Variants in SNTG2 observed in about 807,000 individuals in gnomAD.
SNTG2 encodes gamma-2-syntrophin.
In SNTG2, 74 loss-of-function variants were observed where a neutral mutation model predicts 70.9. That is an observed-to-expected ratio of 1.04 (90% CI 0.86 to 1.27). The LOEUF (loss-of-function observed/expected upper bound fraction) is 1.27, where lower values mean the gene tolerates loss of function less well. Among genes scored for constraint, SNTG2 ranks in the 50% most tolerant of loss-of-function variants. The pLI is 0.00. For synonymous variants in SNTG2, 278 were observed against 273.8 expected (o/e 1.02, Z -0.15); for missense variants, 717 against 690.7 (o/e 1.04, Z -0.43).
intron 6 of SNTG2, among the ~76,000 whole-genome samples, chr2:1,143,030 T>G (rs1668859218): frequency 6.6e-6 from 1 of 152,194 alleles, no homozygotes; most frequent in Non-Finnish European, 1.5e-5. Flanking sequence ...GCTAAATTGT[T>G]GCCTCAGAAA....
chr2:1,302,038 T>A, intron 14 of SNTG2, among the ~76,000 whole-genome samples: 1 of 151,208 alleles, frequency 6.6e-6, no homozygotes, highest in Admixed American at 6.6e-5. Flanking sequence ...CTCGGCTCAC[T>A]GCAACCTCCG....
intron 1 of SNTG2, among the ~76,000 whole-genome samples, chr2:1,073,466 A>G (rs182418079): frequency 1.1e-3 from 165 of 152,332 alleles, no homozygotes; most frequent in African/African-American, 3.8e-3. Flanking sequence ...ATTAAGGTAT[A>G]TACATTGTTT....
intron 11 of SNTG2, among the ~76,000 whole-genome samples, chr2:1,241,477 T>C (rs185372054): frequency 8.0e-6 from 1 of 124,362 alleles, no homozygotes. Context: ...TTTTTTTTTA[T>C]TATTATTATT....
At chr2:965,617 C>T (rs566973512) in intron 1 of SNTG2, among the ~76,000 whole-genome samples, 3 of 152,156 alleles carry the variant, frequency 2.0e-5, no homozygotes, top group African/African-American at 4.8e-5. Flanking sequence ...CCTGGTCCTC[C>T]TCGTCCTTTG....
chr2:1,044,050 CTT>C (rs796513564), intron 1 of SNTG2, among the ~76,000 whole-genome samples: 1 of 152,118 alleles, frequency 6.6e-6, no homozygotes, highest in African/African-American at 2.4e-5. Flanking sequence ...AGTGTGGAAT[CTT>C]TTTTATTTGT....
chr2:1,145,276 A>T (rs1572557975), intron 6 of SNTG2, among the ~76,000 whole-genome samples: 2 of 81,612 alleles, frequency 2.5e-5, no homozygotes, highest in East Asian at 7.5e-4. Context: ...TGAAGACAGG[A>T]AATCAAGATA....
chr2:1,042,577 T>C (rs1661500964), intron 1 of SNTG2, among the ~76,000 whole-genome samples: 1 of 152,174 alleles, frequency 6.6e-6, no homozygotes, highest in Non-Finnish European at 1.5e-5. Context: ...TGTGTCCATA[T>C]GTACTCAGTA....
At chr2:1,235,548 G>T (rs375103857) in intron 9 of SNTG2, among the ~76,000 whole-genome samples, 170 of 72,290 alleles carry the variant, frequency 2.4e-3, no homozygotes, top group South Asian at 3.9e-3. Context: ...GTCCCTGCAG[G>T]CCCCACCAGG....
chr2:1,328,818 T>G (rs147309639), intron 16 of SNTG2, among the ~76,000 whole-genome samples: 2 of 151,732 alleles, frequency 1.3e-5, no homozygotes, highest in Admixed American at 6.6e-5. Context: ...TACACACACA[T>G]GCACGCACAT....
rs146357729 is a variant in SNTG2 at position 1,022,422 on chromosome 2, C to T, written c.73-61096C>T. ...AGGAGCCTCTGCGTTCTCGTTAGCCCCTGCATTGCCGTGAATCTGAGTTCC... is the reference window on the plus strand; with the variant it reads ...AGGAGCCTCTGCGTTCTCGTTAGCCTCTGCATTGCCGTGAATCTGAGTTCC... On this transcript the variant is annotated intron_variant, in intron 1 of 16. Transcript: ENST00000308624. Among the ~76,000 whole-genome samples the T allele has an allele frequency of 4.7e-3, 717 of 151,878 alleles. 4 individuals carry two copies. Among genetic ancestry groups the T allele is most frequent in the Middle Eastern group, 0.01 (3 of 294 alleles).
At chr2:1,222,125 GTC>G (rs1553362354) in intron 9 of SNTG2, among the ~76,000 whole-genome samples, 13 of 76,256 alleles carry the variant, frequency 1.7e-4, no homozygotes, top group East Asian at 1.2e-3. Context: ...GTCTCTCTCT[GTC>G]TCTCTCTGTC....
intron 9 of SNTG2, among the ~76,000 whole-genome samples, chr2:1,235,687 G>T (rs1490593046): frequency 6.6e-6 from 1 of 152,178 alleles, no homozygotes; most frequent in Non-Finnish European, 1.5e-5. Flanking sequence ...ATCCCTGCAG[G>T]CCCCCTAGTC....
At chr2:1,057,131 C>T (rs1295423371) in intron 1 of SNTG2, among the ~76,000 whole-genome samples, 1 of 151,984 alleles carries the variant, frequency 6.6e-6, no homozygotes, top group Non-Finnish European at 1.5e-5. Flanking sequence ...AGCAGCTGGC[C>T]TATTTCTGCT....
At chr2:1,280,519 G>A (rs1572913388) in intron 14 of SNTG2, among the ~76,000 whole-genome samples, 4 of 152,168 alleles carry the variant, frequency 2.6e-5, no homozygotes, top group Admixed American at 6.5e-5. Context: ...GCCTTGGGGG[G>A]ACCCACTTGA....
intron 12 of SNTG2, among the ~76,000 whole-genome samples, chr2:1,255,477 A>C (rs1056426292): frequency 1.4e-4 from 22 of 152,270 alleles, no homozygotes; most frequent in African/African-American, 5.3e-4. Context: ...AGGGACCCAG[A>C]GATGCCGAGG....
intron 8 of SNTG2, among the ~76,000 whole-genome samples, chr2:1,200,937 C>T (rs1673237946): frequency 6.6e-6 from 1 of 151,924 alleles, no homozygotes; most frequent in Non-Finnish European, 1.5e-5. Flanking sequence ...AAGTCTTATA[C>T]ACTGTTTTTA....
intron 9 of SNTG2, among the ~76,000 whole-genome samples, chr2:1,225,818 C>T (rs1157428069): frequency 6.6e-6 from 1 of 152,204 alleles, no homozygotes; most frequent in African/African-American, 2.4e-5. Flanking sequence ...TCTTGAGTGA[C>T]ACCAGGTCTT....
intron 9 of SNTG2, among the ~76,000 whole-genome samples, chr2:1,236,141 G>T (rs1293394524): frequency 6.6e-6 from 1 of 152,188 alleles, no homozygotes; most frequent in Non-Finnish European, 1.5e-5. Flanking sequence ...AATGAGAAAT[G>T]ATGGCAATGA....
At chr2:1,243,734 C>T (rs1677199359) in intron 11 of SNTG2, among the ~76,000 whole-genome samples, 3 of 152,126 alleles carry the variant, frequency 2.0e-5, no homozygotes, top group Non-Finnish European at 2.9e-5. Flanking sequence ...GTGAACAGAA[C>T]GAGTAAGATC....
Sources: allele counts gnomAD v4.1 joint callset (sites outside exome capture counted in the v4.1 genomes callset), GRCh38; gene constraint gnomAD v4.1.1; transcripts MANE v1.5; gene names NCBI Gene and HGNC (gene_info 2026-07-23, HGNC 2026-07-21).